The following TRIM67 variants were observed in gnomAD, a reference collection of about 807,000 sequenced individuals.
TRIM67 encodes tripartite motif-containing protein 67.
TRIM67 carries 39 observed loss-of-function variants against 71.0 expected under a neutral mutation model. The ratio of observed to expected loss-of-function variants is 0.55; its 90% CI spans 0.43 to 0.72. The LOEUF (loss-of-function observed/expected upper bound fraction) is 0.72. Among genes scored for constraint, TRIM67 ranks in the 30% least tolerant of loss-of-function variants. The pLI is 0.00. For missense variants in TRIM67, 973 were observed against 1,079.2 expected, an observed-to-expected ratio of 0.90 and a Z score of 1.38; for synonymous variants, 481 against 473.9, an observed-to-expected ratio of 1.01 and a Z score of -0.19.
chr1:231,207,440 T>A (rs1216017434), intron 7 of TRIM67, among the ~76,000 whole-genome samples: 2 of 152,214 alleles, frequency 1.3e-5, no homozygotes, highest in Non-Finnish European at 2.9e-5. Flanking sequence ...ATTTTGATCA[T>A]CTGAGTTCTT....
In TRIM67 at chr1:231,176,466, G is replaced by T. The variant is rs74143572; in HGVS notation, c.1044+12453G>T. 3.4e-3 allele frequency among the ~76,000 whole-genome samples: 511 copies of T among 152,250 alleles called. 6 individuals are homozygous for T. The highest frequency in any genetic ancestry group is 0.011 in the African/African-American group (476 of 41,540). ...GAGCTGGGGTCACGGATGGTGAGTA[G>T]GTTCATTATTCAGGAAAGAAAGAAA... On this transcript the variant is annotated intron_variant, in intron 1 of 9. Transcript: ENST00000366653.
chr1:231,204,707 G>A (rs1349950126), intron 6 of TRIM67, among the ~76,000 whole-genome samples: 1 of 152,116 alleles, frequency 6.6e-6, no homozygotes, highest in Non-Finnish European at 1.5e-5. Flanking sequence ...CTGGTTCCTA[G>A]CCCAGAGAAG....
At chr1:231,214,035 T>C in intron 9 of TRIM67, 58 bp downstream of exon 9, 2 of 1,527,354 alleles carry the variant, frequency 1.3e-6, no homozygotes, top group Non-Finnish European at 1.8e-6. Context: ...TTGCCACAGG[T>C]CTCTGCAGTG....
chr1:231,206,072 G>A (rs1216202753), intron 6 of TRIM67, among the ~76,000 whole-genome samples: 1 of 152,182 alleles, frequency 6.6e-6, no homozygotes, highest in Non-Finnish European at 1.5e-5. Flanking sequence ...CAAGTTCTGT[G>A]AGCCAGCCAT....
At chr1:231,205,486 G>T (rs1420788421) in intron 6 of TRIM67, among the ~76,000 whole-genome samples, 4 of 152,150 alleles carry the variant, frequency 2.6e-5, no homozygotes, top group Non-Finnish European at 4.4e-5. Flanking sequence ...AGCACTTTGG[G>T]AGGCCAAGGC....
Position 231,206,710 on chromosome 1 carries a change from C to T in TRIM67, c.1739C>T (p.Thr580Ile). ...ATCGACGGTCTTCACTTCAACAGCA[C>T]CTACAACGCCCGAGTCAAAGCTTTC... ...CTIDGLHFNS[T>I]YNARVKAFNS... Residue 580 changes from threonine to isoleucine, a missense_variant, in exon 7 of 10, where the codon ACC becomes ATC. Around this residue, in one of 2 missense-constraint regions of TRIM67, gnomAD observed 795 missense variants for 831.3 expected, o/e 0.96. Coordinates refer to ENST00000366653, the MANE Select transcript of TRIM67 (RefSeq NM_001004342.5). The T allele has an allele frequency of 2.5e-6, 4 of 1,611,780 alleles. No individual in the cohort carries two copies. Among genetic ancestry groups the T allele is most frequent in the South Asian group, 2.2e-5 (2 of 90,464 alleles).
At chr1:231,166,630 T>C (rs1682473699) in intron 1 of TRIM67, among the ~76,000 whole-genome samples, 1 of 152,250 alleles carries the variant, frequency 6.6e-6, no homozygotes, top group African/African-American at 2.4e-5. Context: ...AACATTTCTC[T>C]AACATTCCTG....
At chr1:231,201,101 C>T (rs936111590) in intron 4 of TRIM67, among the ~76,000 whole-genome samples, 10 of 151,976 alleles carry the variant, frequency 6.6e-5, no homozygotes, top group African/African-American at 2.2e-4. Context: ...GTAGTGTTTG[C>T]GGCAATCTCT....
intron 1 of TRIM67, 80 bp downstream of exon 1, chr1:231,164,093 G>A: frequency 1.5e-6 from 2 of 1,348,026 alleles, no homozygotes; most frequent in African/African-American, 3.0e-5. Flanking sequence ...CCCTTGGAGA[G>A]CTGACAGAAA....
intron 4 of TRIM67, 104 bp from the exon 5 acceptor site, chr1:231,201,254 G>A: frequency 7.9e-7 from 1 of 1,273,564 alleles, no homozygotes; most frequent in South Asian, 1.5e-5. Flanking sequence ...ACCCTTTTCT[G>A]TCTCTGAGTC....
intron 1 of TRIM67, among the ~76,000 whole-genome samples, chr1:231,186,763 G>A (rs1269792101): frequency 6.6e-6 from 1 of 152,138 alleles, no homozygotes; most frequent in Non-Finnish European, 1.5e-5. Context: ...AATTCAGTCC[G>A]TCGCCCTTCC....
rs552467161 is a variant in TRIM67, at chr1:231,203,719, G to A, written c.1535-148G>A. ...CCCACCTGGAGACTGACTCCTGGGC[G>A]TCTGGGAGTGACTACAGGGTGGCCA... On this transcript the variant is annotated intron_variant, in intron 5 of 9. Transcript: ENST00000366653. 3.8e-4 allele frequency: 385 copies of A among 1,019,560 alleles called. 1 individual carries two copies. The highest frequency in any genetic ancestry group is 4.3e-4 in the Non-Finnish European group (307 of 713,112). 63.2% of individuals were successfully genotyped at this position (1,019,560 alleles called of 1,614,324 possible).
rs1165981322 is a variant in TRIM67 at position 231,163,469 on chromosome 1, C to T, written c.500C>T (p.Ser167Phe). 6.5e-7 allele frequency: 1 copy of T among 1,533,900 alleles called. No individual in the cohort carries two copies. Among genetic ancestry groups the T allele is most frequent in the Non-Finnish European group, 8.7e-7 (1 of 1,146,622 alleles). ...ITCPQCHRSA[S>F]LDHRGLRGFQ... The stretch of plus-strand genomic sequence containing the variant: ...TGCCCGCAGTGCCACCGCAGCGCAT[C>T]CCTGGACCACCGCGGCCTGCGCGGC... The change falls in exon 1 of 10, where the codon TCC (serine) becomes TTC (phenylalanine). Residue 167 changes from serine (S) to phenylalanine (F), a missense_variant. By Grantham distance (155) the Ser-to-Phe change is radical. Coordinates refer to ENST00000366653, the MANE Select transcript of TRIM67 (RefSeq NM_001004342.5).
At chr1:231,186,104 C>T (rs1474000614) in intron 1 of TRIM67, 3 of 1,533,076 alleles carry the variant, frequency 2.0e-6, no homozygotes, top group Non-Finnish European at 1.7e-6. Flanking sequence ...CTGGCAGTCG[C>T]TTGCTGAATG....
At chr1:231,183,847 A>G (rs1682976791) in intron 1 of TRIM67, among the ~76,000 whole-genome samples, 1 of 152,182 alleles carries the variant, frequency 6.6e-6, no homozygotes. Context: ...CAGGGAGAGT[A>G]AGTGACTCAC....
intron 1 of TRIM67, among the ~76,000 whole-genome samples, chr1:231,187,246 G>C (rs1407746671): frequency 6.6e-6 from 1 of 152,174 alleles, no homozygotes; most frequent in Non-Finnish European, 1.5e-5. Context: ...TTGGCCCCAG[G>C]CTCCCCAAGT....
At chr1:231,213,708 G>A in intron 8 of TRIM67, 107 bp from the exon 9 acceptor site, 1 of 1,362,122 alleles carries the variant, frequency 7.3e-7, no homozygotes. Flanking sequence ...TCCAGCCTGG[G>A]TGACAGAGTG....
Position 231,215,912 on chromosome 1 carries a change from C to T in TRIM67, c.*472C>T. On this transcript the variant is annotated 3_prime_UTR_variant, in exon 10 of 10. Coordinates refer to ENST00000366653, the MANE Select transcript of TRIM67 (RefSeq NM_001004342.5). ...TTGCCTCCTCAGAGTCCCGAGATTGCAGATTCTCATCATGCTGAGAAAGTT... is the reference window on the plus strand; with the variant it reads ...TTGCCTCCTCAGAGTCCCGAGATTGTAGATTCTCATCATGCTGAGAAAGTT... 2 of 990,854 alleles carry T rather than the reference C, an allele frequency of 2.0e-6. No individual in the cohort carries two copies. The highest frequency in any genetic ancestry group is 2.4e-6 in the Non-Finnish European group (2 of 833,794). 61.4% of individuals were successfully genotyped at this position (990,854 alleles called of 1,614,324 possible).
At chr1:231,168,720 A>G (rs577961234) in intron 1 of TRIM67, among the ~76,000 whole-genome samples, 39 of 152,376 alleles carry the variant, frequency 2.6e-4, no homozygotes, top group African/African-American at 9.4e-4. Flanking sequence ...ACTACTAGTT[A>G]GGGATCTTCC....
Sources: allele counts gnomAD v4.1 joint callset (sites outside exome capture counted in the v4.1 genomes callset), GRCh38; gene constraint gnomAD v4.1.1; regional missense constraint gnomAD v4.1.1; transcripts MANE v1.5; gene names NCBI Gene and HGNC (gene_info 2026-07-23, HGNC 2026-07-21).